The following VSTM4 variants were observed in gnomAD, a reference collection of about 807,000 sequenced individuals.
VSTM4 encodes the protein V-set and transmembrane domain-containing protein 4.
In VSTM4, 20 loss-of-function variants were observed where a neutral mutation model predicts 36.4. That is an observed-to-expected ratio of 0.55 (90% CI 0.39 to 0.80). The LOEUF is 0.80. Among genes scored for constraint, VSTM4 ranks in the 30% least tolerant of loss-of-function variants. The pLI, the probability that VSTM4 is intolerant of heterozygous loss-of-function variation, is 0.00. For missense variants in VSTM4, 392 were observed against 404.5 expected (o/e 0.97, Z 0.26); for synonymous variants, 182 against 173.9 (o/e 1.05, Z -0.37).
chr10:49,077,285 G>A lies in VSTM4; in HGVS notation c.568C>T (p.Leu190Phe), dbSNP rs1168684205. 1.9e-6 allele frequency: 3 copies of A among 1,614,178 alleles called. No homozygotes were observed. The highest frequency in any genetic ancestry group is 2.7e-5 in the African/African-American group (2 of 75,054). ...ACCAGCATGAAGAGCAGAATGCTGA[G>A]GATCCCCACGCAGCACACGAGGACA... is the stretch of plus-strand genomic sequence containing the variant. ...YAVLVCCVGI[L>F]SILLFMLVIV... Residue 190 changes from leucine (L) to phenylalanine (F), a missense_variant, in exon 4 of 8, where the codon CTC becomes TTC. Transcript: ENST00000332853.
chr10:49,054,069 T>G (rs1843739132), intron 5 of VSTM4, among the ~76,000 whole-genome samples: 1 of 152,170 alleles, frequency 6.6e-6, no homozygotes, highest in South Asian at 2.1e-4. Context: ...GCCCTCCTTG[T>G]TGCAAAAATG....
rs754547847 is a variant in VSTM4, at chr10:49,018,724, A to C, written c.*926T>G. The C allele has an allele frequency of 3.3e-5, 5 of 152,248 alleles. No individual in the cohort carries two copies. The highest frequency in any genetic ancestry group is 4.8e-5 in the African/African-American group (2 of 41,460). The allele number at this position is 152,248 out of a possible 1,614,324, so 9.4% of individuals were successfully genotyped here. A position where few individuals can be genotyped will look rare whatever the true frequency, so the allele number is the denominator to read the frequency against. ...GTTGCAATGGGCAAGGCACTTGGCA[A>C]GAGGAGGGTCTTCAGAACACACTTT... On this transcript the variant is annotated 3_prime_UTR_variant, in exon 8 of 8. Coordinates refer to ENST00000332853, the MANE Select transcript of VSTM4 (RefSeq NM_001031746.5).
At chr10:49,049,391 C>T (rs1384820696) in intron 5 of VSTM4, among the ~76,000 whole-genome samples, 1 of 152,144 alleles carries the variant, frequency 6.6e-6, no homozygotes, top group Non-Finnish European at 1.5e-5. Flanking sequence ...TGCAAACATA[C>T]ACTGCTCCGA....
intron 4 of VSTM4, among the ~76,000 whole-genome samples, chr10:49,074,669 A>C (rs916219169): frequency 5.3e-5 from 8 of 152,172 alleles, no homozygotes; most frequent in Admixed American, 3.9e-4. Context: ...TGCCAATGGG[A>C]GTTGCACTCA....
chr10:49,085,524 G>A (rs1844354763), intron 3 of VSTM4, among the ~76,000 whole-genome samples: 1 of 152,220 alleles, frequency 6.6e-6, no homozygotes. Flanking sequence ...TCACCTGGGA[G>A]TAGGAATTCT....
At chr10:49,047,631 A>G (rs969334345) in intron 6 of VSTM4, among the ~76,000 whole-genome samples, 21 of 152,214 alleles carry the variant, frequency 1.4e-4, no homozygotes, top group Non-Finnish European at 5.9e-5. Context: ...GAGCAGTATG[A>G]TGCCTGGCCC....
At chr10:49,056,169 G>A (rs1400580841) in intron 5 of VSTM4, among the ~76,000 whole-genome samples, 1 of 152,208 alleles carries the variant, frequency 6.6e-6, no homozygotes, top group Non-Finnish European at 1.5e-5. Flanking sequence ...CATCACCCAA[G>A]AAGCTCATCC....
At chr10:49,035,473 C>T (rs1843413134) in intron 7 of VSTM4, among the ~76,000 whole-genome samples, 2 of 152,196 alleles carry the variant, frequency 1.3e-5, no homozygotes, top group African/African-American at 4.8e-5. Context: ...TAGCAATCTG[C>T]AGTAGGATTC....
chr10:49,024,797 G>A (rs780617588), intron 7 of VSTM4, among the ~76,000 whole-genome samples: 1 of 152,280 alleles, frequency 6.6e-6, no homozygotes, highest in Non-Finnish European at 1.5e-5. Context: ...CAAGAACTTT[G>A]TGAACTAAGT....
At chr10:49,066,470 C>A (rs1238786784) in intron 4 of VSTM4, among the ~76,000 whole-genome samples, 1 of 152,100 alleles carries the variant, frequency 6.6e-6, no homozygotes, top group Non-Finnish European at 1.5e-5. Context: ...CATGATGTGA[C>A]TTTTGACATA....
chr10:49,089,107 A>G (rs1360194188), intron 2 of VSTM4, among the ~76,000 whole-genome samples: 1 of 152,160 alleles, frequency 6.6e-6, no homozygotes, highest in Non-Finnish European at 1.5e-5. Flanking sequence ...ATGTCCTTGG[A>G]TAAGTCACTT....
At position 49,086,010 on chromosome 10, in the gene VSTM4, T is replaced by C; in HGVS notation, c.471A>G (p.Lys157=). ...SATEMRVISL[K]ASEESSFEKT... is the part of the protein sequence containing the mutation. ...TCTCAAAGGATGACTCTTCAGAAGC[T>C]TTGAGGGAAATGACTGAAAGACAAA... The change falls in exon 3 of 8, where the codon AAA becomes AAG. Residue 157 remains lysine, a synonymous_variant. Transcript: ENST00000332853. The C allele has an allele frequency of 1.3e-6, 2 of 1,590,058 alleles. No homozygotes were observed. Among genetic ancestry groups the C allele is most frequent in the East Asian group, 2.2e-5 (1 of 44,484 alleles).
At chr10:49,055,157 T>A (rs1044419174) in intron 5 of VSTM4, among the ~76,000 whole-genome samples, 4 of 152,204 alleles carry the variant, frequency 2.6e-5, no homozygotes, top group Admixed American at 2.6e-4. Flanking sequence ...CCTTAGTGCA[T>A]GGAGCTAATG....
At chr10:49,082,306 T>A (rs1244670009) in intron 3 of VSTM4, among the ~76,000 whole-genome samples, 3 of 152,242 alleles carry the variant, frequency 2.0e-5, no homozygotes, top group Non-Finnish European at 4.4e-5. Context: ...AAGCCAGACC[T>A]TTCAACAAAG....
intron 4 of VSTM4, among the ~76,000 whole-genome samples, chr10:49,072,108 A>G (rs1050206780): frequency 6.6e-6 from 1 of 152,238 alleles, no homozygotes; most frequent in Non-Finnish European, 1.5e-5. Flanking sequence ...CTTTGGACAC[A>G]CATGGCTTGG....
chr10:49,039,799 G>A (rs1843491726), intron 7 of VSTM4, among the ~76,000 whole-genome samples: 1 of 152,180 alleles, frequency 6.6e-6, no homozygotes. Context: ...TGTGTCCTGC[G>A]GCTGTTTTTC....
At chr10:49,073,129 A>G (rs1453268691) in intron 4 of VSTM4, among the ~76,000 whole-genome samples, 1 of 152,198 alleles carries the variant, frequency 6.6e-6, no homozygotes, top group Non-Finnish European at 1.5e-5. Flanking sequence ...AATTTCATAG[A>G]GAAAAAAAGT....
At chr10:49,041,563 T>C (rs1843521983) in intron 7 of VSTM4, among the ~76,000 whole-genome samples, 1 of 152,180 alleles carries the variant, frequency 6.6e-6, no homozygotes, top group Non-Finnish European at 1.5e-5. Context: ...ACCACAGCTA[T>C]ATTTGAAAAC....
chr10:49,101,069 A>G (rs568528147), intron 2 of VSTM4, among the ~76,000 whole-genome samples: 2 of 152,240 alleles, frequency 1.3e-5, no homozygotes, highest in Admixed American at 1.3e-4. Context: ...TCATCTAAAA[A>G]TATTAAAGAA....
Sources: gnomAD v4.1 joint callset for allele counts (sites outside exome capture counted in the v4.1 genomes callset) on GRCh38, gnomAD v4.1.1 for gene constraint, MANE v1.5 for transcripts, NCBI Gene and HGNC (gene_info 2026-07-23, HGNC 2026-07-21) for gene names.